The following GNG7 variants were observed in gnomAD, a reference collection of about 807,000 sequenced individuals.
GNG7 encodes the protein G protein subunit gamma 7.
In GNG7, 1 loss-of-function variant was observed where a neutral mutation model predicts 4.0. The ratio of observed to expected loss-of-function variants is 0.25; its 90% CI spans 0.09 to 1.18. GNG7 has a LOEUF of 1.18. GNG7 is among the 50% of genes most tolerant of loss of function. The pLI, the probability that GNG7 is intolerant of heterozygous loss-of-function variation, is 0.50. For synonymous variants in GNG7, 34 were observed against 36.9 expected, an observed-to-expected ratio of 0.92 and a Z score of 0.29; for missense variants, 86 against 91.9, an observed-to-expected ratio of 0.94 and a Z score of 0.26.
chr19:2,562,534 T>G (rs999359064), intron 2 of GNG7, among the ~76,000 whole-genome samples: 1 of 152,142 alleles, frequency 6.6e-6, no homozygotes, highest in Non-Finnish European at 1.5e-5. Flanking sequence ...ACAACAGGGT[T>G]TTTCCCCCCG....
In GNG7 at chr19:2,638,022, G is replaced by A. The variant is rs542335376; in HGVS notation, c.-78+8202C>T. Among the ~76,000 whole-genome samples, 976 of 152,274 alleles carry A rather than the reference G, an allele frequency of 6.4e-3. 6 individuals carry two copies. Among genetic ancestry groups the A allele is most frequent in the African/African-American group, 0.022 (918 of 41,554 alleles). ...CCTGATTTACACCATCTGCCCCATCGGGAGTTTATTCTGGTGTCCAGTGTG... is the reference window on the plus strand; with the variant it reads ...CCTGATTTACACCATCTGCCCCATCAGGAGTTTATTCTGGTGTCCAGTGTG... On this transcript the variant is annotated intron_variant, in intron 2 of 4. Coordinates refer to ENST00000382159, the MANE Select transcript of GNG7 (RefSeq NM_052847.3).
chr19:2,528,240 C>T (rs1167675033), intron 3 of GNG7, among the ~76,000 whole-genome samples: 6 of 135,428 alleles, frequency 4.4e-5, no homozygotes, highest in South Asian at 2.5e-4. Flanking sequence ...CACTGCACTC[C>T]GGCCTGGGTG....
chr19:2,620,874 G>T (rs1045832801), intron 2 of GNG7, among the ~76,000 whole-genome samples: 3 of 152,170 alleles, frequency 2.0e-5, no homozygotes, highest in African/African-American at 7.2e-5. Flanking sequence ...GGAAATGCTG[G>T]CTGCCTTTGA....
At chr19:2,603,983 T>C (rs1298007109) in intron 2 of GNG7, among the ~76,000 whole-genome samples, 1 of 152,022 alleles carries the variant, frequency 6.6e-6, no homozygotes, top group African/African-American at 2.4e-5. Context: ...CCTGAGTAGC[T>C]GGGACTACAG....
chr19:2,649,005 C>T (rs1239889174), intron 1 of GNG7, among the ~76,000 whole-genome samples: 1 of 152,040 alleles, frequency 6.6e-6, no homozygotes, highest in Non-Finnish European at 1.5e-5. Context: ...CCTCCTTCCT[C>T]AGCCTCCTGA....
chr19:2,630,094 C>T (rs1310635562), intron 2 of GNG7, among the ~76,000 whole-genome samples: 1 of 151,910 alleles, frequency 6.6e-6, no homozygotes, highest in African/African-American at 2.4e-5. Context: ...TTTCCAAATG[C>T]CTCCTTTCTC....
intron 1 of GNG7, among the ~76,000 whole-genome samples, chr19:2,691,878 A>AT (rs900828145): frequency 2.6e-5 from 4 of 152,148 alleles, no homozygotes; most frequent in African/African-American, 9.6e-5. Flanking sequence ...AAAAAAAAAA[A>AT]AAAAAGAGGA....
At chr19:2,566,136 C>T (rs1979900551) in intron 2 of GNG7, among the ~76,000 whole-genome samples, 1 of 151,648 alleles carries the variant, frequency 6.6e-6, no homozygotes, top group Non-Finnish European at 1.5e-5. Context: ...CCAGCCTGGG[C>T]GACAGAGCCA....
chr19:2,592,818 G>A (rs113323865), intron 2 of GNG7, among the ~76,000 whole-genome samples: 5,532 of 44,454 alleles, frequency 0.12, 485 homozygotes, highest in African/African-American at 0.23. Context: ...GAAAGAAAGA[G>A]AGAGAGAGAG....
rs961464352 is a variant in GNG7 at position 2,587,177 on chromosome 19, C to T, written c.-77-31989G>A. Reference sequence around the variant, plus strand: ...TTGGAGGTTTCACCACGGAGAGTTGCGGCGGCAAGAAGACACCAGGAGGAA... The same window carrying T: ...TTGGAGGTTTCACCACGGAGAGTTGTGGCGGCAAGAAGACACCAGGAGGAA... On this transcript the variant is annotated intron_variant, in intron 2 of 4. Transcript: ENST00000382159. 4.0e-5 allele frequency among the ~76,000 whole-genome samples: 6 copies of T among 151,870 alleles called. No homozygotes were observed. In the East Asian group the frequency reaches 5.8e-4, roughly 15 times the overall value.
chr19:2,583,288 T>G (rs949191989), intron 2 of GNG7, among the ~76,000 whole-genome samples: 4 of 152,160 alleles, frequency 2.6e-5, no homozygotes, highest in Admixed American at 2.0e-4. Flanking sequence ...TCTGAAAAAA[T>G]TTTTTAGCAA....
rs1555697665 is a variant in GNG7, at chr19:2,611,003, T to TCGGGG, written c.-78+35216_-78+35220dup. ...GGGGGAACGGGCTCACGTGCCAGGC[T>TCGGGG]CGGGGGGGGGGAAGCGTCCTCAACA... On this transcript the variant is annotated intron_variant, in intron 2 of 4. Coordinates refer to ENST00000382159, the MANE Select transcript of GNG7 (RefSeq NM_052847.3). This position sits in a 1 kb window ranked among gnomAD's most constrained non-coding sequence, Gnocchi z 6.0. 1.4e-4 allele frequency: 2 copies of TCGGGG among 13,810 alleles called. No homozygotes were observed. Among genetic ancestry groups the TCGGGG allele is most frequent in the African/African-American group, 7.5e-4 (2 of 2,672 alleles). The allele number at this position is 13,810 out of a possible 1,614,324, so 0.9% of individuals were successfully genotyped here. A position where few individuals can be genotyped will look rare whatever the true frequency, so the allele number is the denominator to read the frequency against.
chr19:2,522,234 C>A (rs542369506), intron 3 of GNG7, among the ~76,000 whole-genome samples: 2 of 152,260 alleles, frequency 1.3e-5, no homozygotes, highest in South Asian at 4.1e-4. Flanking sequence ...TAGTGTCCAG[C>A]CTAGAGAAAC....
intron 3 of GNG7, among the ~76,000 whole-genome samples, chr19:2,522,217 G>C (rs1022702792): frequency 1.3e-5 from 2 of 152,120 alleles, no homozygotes; most frequent in African/African-American, 4.8e-5. Flanking sequence ...CCAGCCCCAC[G>C]TGTCAGTAGT....
chr19:2,635,586 AT>A (rs35015157), intron 2 of GNG7, among the ~76,000 whole-genome samples: 1,707 of 145,414 alleles, frequency 0.012, 33 homozygotes, highest in African/African-American at 0.039. Context: ...ACTTGGGGTG[AT>A]TTTTTTTTTT....
chr19:2,676,232 A>C (rs1983590234), intron 1 of GNG7, among the ~76,000 whole-genome samples: 1 of 152,202 alleles, frequency 6.6e-6, no homozygotes, highest in South Asian at 2.1e-4. Context: ...GAACTGCCAG[A>C]AAATCCATTT....
Position 2,617,235 on chromosome 19 carries a change from C to G in GNG7, c.-78+28989G>C, listed in dbSNP as rs1015729874. ...TCCAGTCGTGACAACCACAGATGTC[C>G]CCAGATATCACCCAGAGTCCCCTGG... On this transcript the variant is annotated intron_variant, in intron 2 of 4. Transcript: ENST00000382159. This position sits in a 1 kb window ranked among gnomAD's most constrained non-coding sequence, Gnocchi z 4.7. 6.6e-6 allele frequency among the ~76,000 whole-genome samples: 1 copy of G among 152,246 alleles called. No individual in the cohort carries two copies.
At chr19:2,690,753 C>T (rs1163508820) in intron 1 of GNG7, among the ~76,000 whole-genome samples, 2 of 152,132 alleles carry the variant, frequency 1.3e-5, no homozygotes, top group African/African-American at 4.8e-5. Context: ...ACCACCACGC[C>T]CAACTAAGCT....
At position 2,558,929 on chromosome 19, in the gene GNG7, G is replaced by A. The variant is rs1599390474; in HGVS notation, c.-77-3741C>T. On this transcript the variant is annotated intron_variant, in intron 2 of 4. Coordinates refer to ENST00000382159, the MANE Select transcript of GNG7 (RefSeq NM_052847.3). ...TTCTCCTGCCTCAGACTCCCAAGTAGCTGGCATTACAGGCATGCACCACCA... is the reference window on the plus strand; with the variant it reads ...TTCTCCTGCCTCAGACTCCCAAGTAACTGGCATTACAGGCATGCACCACCA... Among the ~76,000 whole-genome samples the A allele has an allele frequency of 4.6e-5, 7 of 151,766 alleles. No homozygotes were observed. In the South Asian group the frequency reaches 1.5e-3, roughly 32 times the overall value.
Sources: allele counts gnomAD v4.1 joint callset (sites outside exome capture counted in the v4.1 genomes callset), GRCh38; gene constraint gnomAD v4.1.1; non-coding constraint Gnocchi (gnomAD v3.1); transcripts MANE v1.5; gene names NCBI Gene and HGNC (gene_info 2026-07-23, HGNC 2026-07-21).